The following PRKX variants were observed in gnomAD, a reference collection of about 807,000 sequenced individuals.
PRKX encodes the protein protein kinase cAMP-dependent X-linked catalytic subunit, also known as cAMP-dependent protein kinase catalytic subunit PRKX.
In PRKX, 12 loss-of-function variants were observed where a neutral mutation model predicts 22.0. That is an observed-to-expected ratio of 0.54 (90% confidence interval 0.35 to 0.88). PRKX has a LOEUF of 0.88. Among genes scored for constraint, PRKX ranks in the 40% least tolerant of loss-of-function variants. PRKX has a pLI of 0.01. For synonymous variants in PRKX, 134 were observed against 137.7 expected (o/e 0.97, Z 0.19); for missense variants, 217 against 308.0 (o/e 0.70, Z 2.21).
chrX:3,645,630 C>A (rs774914431), intron 3 of PRKX, among the ~76,000 whole-genome samples: 2 of 112,677 alleles, frequency 1.8e-5, no homozygotes, highest in Non-Finnish European at 3.7e-5. Flanking sequence ...CTCAATTGTG[C>A]ACGGCAAGAT....
At chrX:3,636,537 G>A (rs753795138) in intron 4 of PRKX, among the ~76,000 whole-genome samples, 1 of 113,027 alleles carries the variant, frequency 8.8e-6, no homozygotes, top group African/African-American at 3.2e-5. Context: ...GGTGACAGGT[G>A]AGCCTGCAGC....
chrX:3,655,457 G>A (rs758072020), intron 2 of PRKX, 45 bp from the exon 3 acceptor site: 1 of 1,205,081 alleles, frequency 8.3e-7, no homozygotes, highest in South Asian at 1.8e-5. Context: ...CCAAGGCAGG[G>A]CAGGGGGTAC....
At chrX:3,654,745 G>A (rs1927443347) in intron 3 of PRKX, among the ~76,000 whole-genome samples, 2 of 110,243 alleles carry the variant, frequency 1.8e-5, no homozygotes, top group Non-Finnish European at 3.8e-5. Flanking sequence ...GCGTCCCAAA[G>A]TGCTGGGATT....
chrX:3,669,316 CTCCATCCATCCATCCATCCATCCA>C (rs55930956), intron 2 of PRKX, among the ~76,000 whole-genome samples: 6 of 102,649 alleles, frequency 5.8e-5, no homozygotes, highest in Non-Finnish European at 1.2e-4. Context: ...CAATGTTGAT[CTCCATCCATCCATCCATCCATCCA>C]TCCATCCATC....
At chrX:3,653,761 TATATATA>T (rs1426712577) in intron 3 of PRKX, among the ~76,000 whole-genome samples, 1 of 66,226 alleles carries the variant, frequency 1.5e-5, no homozygotes, top group South Asian at 8.6e-4. Flanking sequence ...TACTATGTGA[TATATATA>T]ATATATATTA....
chrX:3,666,799 T>C (rs1400161043), intron 2 of PRKX, among the ~76,000 whole-genome samples: 1 of 105,488 alleles, frequency 9.5e-6, no homozygotes, highest in Non-Finnish European at 1.9e-5. Context: ...TCCCAGCTAC[T>C]TGGGAGGCTG....
chrX:3,645,058 G>C (rs1927160945), intron 3 of PRKX, among the ~76,000 whole-genome samples: 1 of 111,832 alleles, frequency 8.9e-6, no homozygotes, highest in Non-Finnish European at 1.9e-5. Flanking sequence ...TGAATGTACA[G>C]AGAGACATAC....
At chrX:3,649,988 A>T (rs1183006019) in intron 3 of PRKX, among the ~76,000 whole-genome samples, 1 of 109,490 alleles carries the variant, frequency 9.1e-6, no homozygotes, top group Non-Finnish European at 1.9e-5. Flanking sequence ...AAAAATCCAA[A>T]AATTAGCCAG....
At chrX:3,687,937 T>A (rs999260567) in intron 1 of PRKX, among the ~76,000 whole-genome samples, 3 of 111,475 alleles carry the variant, frequency 2.7e-5, no homozygotes, top group African/African-American at 6.5e-5. Context: ...TAAAACCCCA[T>A]CCTGGCCAAC....
intron 1 of PRKX, among the ~76,000 whole-genome samples, chrX:3,679,656 C>T (rs1288311520): frequency 8.9e-6 from 1 of 112,156 alleles, no homozygotes; most frequent in Admixed American, 9.5e-5. Context: ...CCAGCCCAGA[C>T]TCTGCTGAGG....
intron 6 of PRKX, among the ~76,000 whole-genome samples, chrX:3,617,936 ATACTC>A (rs1926465869): frequency 9.3e-6 from 1 of 107,117 alleles, no homozygotes; most frequent in South Asian, 4.2e-4. Flanking sequence ...TCTATTTACT[ATACTC>A]TATGTTCTTT....
intron 1 of PRKX, among the ~76,000 whole-genome samples, chrX:3,686,938 C>T (rs1388716546): frequency 2.7e-5 from 3 of 112,420 alleles, no homozygotes; most frequent in African/African-American, 9.7e-5. Flanking sequence ...TACAGATTAA[C>T]GGTGTTAAAT....
At chrX:3,712,543 T>G (rs1928813394) in intron 1 of PRKX, among the ~76,000 whole-genome samples, 1 of 112,154 alleles carries the variant, frequency 8.9e-6, no homozygotes, top group African/African-American at 3.2e-5. Context: ...TTAGGATCCG[T>G]CCCCAGCGCT....
In PRKX at chrX:3,700,553, C is replaced by G. The variant is rs1377715965; in HGVS notation, c.166+12535G>C. Among the ~76,000 whole-genome samples the G allele has an allele frequency of 4.6e-5, 5 of 108,679 alleles. No homozygotes were observed. In the East Asian group the frequency reaches 1.4e-3, roughly 31 times the overall value. The allele number at this position is 108,679 out of a possible 115,157, so 94.4% of individuals were successfully genotyped here. A position where few individuals can be genotyped will look rare whatever the true frequency, so the allele number is the denominator to read the frequency against. ...TGTTTTTCTTTTACTTTTTTCTTCT[C>G]TTTTTTTTTCCTTCTTCTTTCTCTT... On this transcript the variant is annotated intron_variant, in intron 1 of 8. Coordinates refer to ENST00000262848, the MANE Select transcript of PRKX (RefSeq NM_005044.5).
Position 3,655,386 on chromosome X carries a change from AAGC to A in PRKX, c.359_361del (p.Arg120_Phe121delinsLeu), listed in dbSNP as rs1927459068. 1.7e-6 allele frequency: 2 copies of A among 1,210,946 alleles called. No homozygotes were observed. The highest frequency in any genetic ancestry group is 4.4e-5 in the Admixed American group (2 of 45,863). On this transcript the variant is annotated inframe_deletion, in exon 3 of 9. Coordinates refer to ENST00000262848, the MANE Select transcript of PRKX (RefSeq NM_005044.5). ...CACGTACTCCATGAGCATGTAGAGG[AAGC>A]GCTCGTCATGCCACGTCCAGAACCT...
rs150417416 is a variant in PRKX at position 3,644,129 on chromosome X, A to G, written c.600-2158T>C. Among the ~76,000 whole-genome samples the G allele has an allele frequency of 7.1e-4, 75 of 106,243 alleles. 1 individual carries two copies. The highest frequency in any genetic ancestry group is 2.2e-3 in the African/African-American group (64 of 29,139). 92.3% of individuals were successfully genotyped at this position (106,243 alleles called of 115,157 possible). On this transcript the variant is annotated intron_variant, in intron 3 of 8. Coordinates refer to ENST00000262848, the MANE Select transcript of PRKX (RefSeq NM_005044.5). The stretch of plus-strand genomic sequence containing the variant: ...AAAGTACCACAAGGTCAGGCATGGT[A>G]GTTCACACCTGTAATCCTAGTACTT...
chrX:3,686,404 T>TTC (rs1230810737), intron 1 of PRKX, among the ~76,000 whole-genome samples: 3 of 75,435 alleles, frequency 4.0e-5, no homozygotes, highest in African/African-American at 2.3e-4. Flanking sequence ...AAGCTGATGA[T>TTC]TTTTTTTTTT....
chrX:3,621,215 C>T (rs778099564), intron 6 of PRKX, 44 bp downstream of exon 6: 6 of 1,129,719 alleles, frequency 5.3e-6, no homozygotes, highest in South Asian at 3.7e-5. Flanking sequence ...ACGGCAGACA[C>T]GCACATCGGG....
intron 1 of PRKX, among the ~76,000 whole-genome samples, chrX:3,693,666 G>A (rs753128859): frequency 3.3e-4 from 37 of 110,870 alleles, no homozygotes; most frequent in African/African-American, 9.5e-4. Flanking sequence ...GGCCGGGCGC[G>A]GTGGCTCACG....
Sources: gnomAD v4.1 joint callset for allele counts (sites outside exome capture counted in the v4.1 genomes callset) on GRCh38, gnomAD v4.1.1 for gene constraint, MANE v1.5 for transcripts, NCBI Gene and HGNC (gene_info 2026-07-23, HGNC 2026-07-21) for gene names.